The following KCNC2 variants were observed in gnomAD, a reference collection of about 807,000 sequenced individuals.
The protein encoded by KCNC2 is voltage-gated potassium channel KCNC2.
Under a neutral mutation model 44.5 loss-of-function variants are expected in KCNC2, and 21 were observed. That is an observed-to-expected ratio of 0.47 (90% confidence interval 0.33 to 0.68). The LOEUF (loss-of-function observed/expected upper bound fraction) is 0.68. Among genes scored for constraint, KCNC2 ranks in the 30% least tolerant of loss-of-function variants. The pLI is 0.01. For missense variants in KCNC2, 589 were observed against 826.2 expected (o/e 0.71, Z 3.52); for synonymous variants, 391 against 339.1 (o/e 1.15, Z -1.68).
At chr12:75,127,015 C>A (rs760238043) in intron 2 of KCNC2, among the ~76,000 whole-genome samples, 1 of 152,108 alleles carries the variant, frequency 6.6e-6, no homozygotes, top group Non-Finnish European at 1.5e-5. Context: ...GTTAAATGTG[C>A]CCTGGTCTAG....
chr12:75,114,177 C>T (rs1055748252), intron 2 of KCNC2, among the ~76,000 whole-genome samples: 1 of 152,178 alleles, frequency 6.6e-6, no homozygotes, highest in Non-Finnish European at 1.5e-5. Context: ...ATTCAACCAA[C>T]ATGAGAGTGC....
chr12:75,169,960 C>T (rs1014623968), intron 2 of KCNC2, among the ~76,000 whole-genome samples: 3 of 151,498 alleles, frequency 2.0e-5, no homozygotes, highest in East Asian at 1.9e-4. Context: ...AAAAGAAAGG[C>T]GACATAACAT....
chr12:75,085,561 A>G (rs1159083018), intron 2 of KCNC2, among the ~76,000 whole-genome samples: 1 of 152,066 alleles, frequency 6.6e-6, no homozygotes, highest in Non-Finnish European at 1.5e-5. Context: ...AGAACCATGA[A>G]TCTAACATCA....
At chr12:75,045,039 A>G (rs974092500) in intron 4 of KCNC2, among the ~76,000 whole-genome samples, 5 of 152,000 alleles carry the variant, frequency 3.3e-5, no homozygotes, top group African/African-American at 1.2e-4. Context: ...GACTGAAAAT[A>G]TAACTTTGGG....
intron 2 of KCNC2, among the ~76,000 whole-genome samples, chr12:75,130,268 C>T (rs1481614407): frequency 6.6e-6 from 1 of 152,080 alleles, no homozygotes; most frequent in African/African-American, 2.4e-5. Context: ...ATTCTTCATC[C>T]TCCATTAGGT....
intron 2 of KCNC2, among the ~76,000 whole-genome samples, chr12:75,101,893 T>G (rs962469238): frequency 6.6e-6 from 1 of 151,952 alleles, no homozygotes; most frequent in African/African-American, 2.4e-5. Context: ...TACATTTAGA[T>G]CACCAAATCA....
chr12:75,165,177 A>G (rs1156714769), intron 2 of KCNC2, among the ~76,000 whole-genome samples: 1 of 151,676 alleles, frequency 6.6e-6, no homozygotes, highest in African/African-American at 2.4e-5. Context: ...TGTTTACGAT[A>G]TCTAATTATT....
intron 2 of KCNC2, among the ~76,000 whole-genome samples, chr12:75,107,037 G>A (rs1886841924): frequency 6.6e-6 from 1 of 151,888 alleles, no homozygotes; most frequent in South Asian, 2.1e-4. Context: ...GGGCGTGGTG[G>A]CTCACGCCTG....
At chr12:75,109,004 C>T (rs537358554) in intron 2 of KCNC2, among the ~76,000 whole-genome samples, 1 of 152,250 alleles carries the variant, frequency 6.6e-6, no homozygotes, top group Admixed American at 6.5e-5. Flanking sequence ...TACAAACAAA[C>T]CTTAGAGTCT....
chr12:75,174,166 C>G (rs1195897006), intron 2 of KCNC2, among the ~76,000 whole-genome samples: 2 of 151,096 alleles, frequency 1.3e-5, no homozygotes, highest in East Asian at 2.0e-4. Context: ...CCTTAATTTA[C>G]AATCACGGTG....
rs763957368 is a variant in KCNC2 at position 75,043,163 on chromosome 12, G to C, written c.1859C>G (p.Pro620Arg). 1.2e-6 allele frequency: 2 copies of C among 1,612,494 alleles called. No homozygotes were observed. Among genetic ancestry groups the C allele is most frequent in the Non-Finnish European group, 1.7e-6 (2 of 1,179,030 alleles). The change falls in exon 5 of 5, where the codon CCC becomes CGC. Residue 620 changes from proline to arginine, a missense_variant. Physicochemically the swap from Pro to Arg is moderately radical, Grantham distance 103 (BLOSUM62 -2). Coordinates refer to ENST00000549446, the MANE Select transcript of KCNC2 (RefSeq NM_139137.4). ...CCTCAGAGGACAAGGAGAGTTGTAG[G>C]GTGATGTTACTGGAGAGAGCCTCAG... ...NALRLSPVTSPYNSPCPLRRS... is the reference protein window; with the variant it reads ...NALRLSPVTSRYNSPCPLRRS...
intron 2 of KCNC2, among the ~76,000 whole-genome samples, chr12:75,094,807 G>A (rs1885785250): frequency 6.6e-6 from 1 of 151,648 alleles, no homozygotes; most frequent in Non-Finnish European, 1.5e-5. Context: ...TCTATCAACA[G>A]AAATTGGCAG....
chr12:75,181,794 T>G (rs1892590520), intron 2 of KCNC2, among the ~76,000 whole-genome samples: 1 of 152,072 alleles, frequency 6.6e-6, no homozygotes. Context: ...TGTCACAGTT[T>G]TACCACAATA....
At chr12:75,159,628 C>G (rs1890991907) in intron 2 of KCNC2, among the ~76,000 whole-genome samples, 1 of 151,880 alleles carries the variant, frequency 6.6e-6, no homozygotes, top group Non-Finnish European at 1.5e-5. Flanking sequence ...TTTCTAACAT[C>G]GCTGGACTAG....
intron 2 of KCNC2, among the ~76,000 whole-genome samples, chr12:75,071,037 TA>T (rs1440631009): frequency 6.6e-6 from 1 of 152,182 alleles, no homozygotes; most frequent in African/African-American, 2.4e-5. Context: ...CTTTTTTTGG[TA>T]TAGTAGAAAG....
At chr12:75,130,794 A>AC in intron 2 of KCNC2, among the ~76,000 whole-genome samples, 1 of 152,118 alleles carries the variant, frequency 6.6e-6, no homozygotes, top group East Asian at 1.9e-4. Flanking sequence ...AAAAAAAAAA[A>AC]AACAATGCAC....
chr12:75,068,730 G>C (rs1247017817), intron 2 of KCNC2, among the ~76,000 whole-genome samples: 3 of 148,996 alleles, frequency 2.0e-5, no homozygotes, highest in African/African-American at 7.8e-5. Flanking sequence ...ACTTAAAATA[G>C]GTCTTTGGGT....
At chr12:75,176,023 G>A (rs1892159903) in intron 2 of KCNC2, among the ~76,000 whole-genome samples, 1 of 152,020 alleles carries the variant, frequency 6.6e-6, no homozygotes, top group African/African-American at 2.4e-5. Flanking sequence ...TGGTATCTGA[G>A]GTAGATTTTA....
At chr12:75,092,106 G>A (rs1885533434) in intron 2 of KCNC2, among the ~76,000 whole-genome samples, 1 of 151,564 alleles carries the variant, frequency 6.6e-6, no homozygotes, top group South Asian at 2.1e-4. Flanking sequence ...ATTTCTGGAA[G>A]AATCTGACTT....
Sources: allele counts gnomAD v4.1 joint callset (sites outside exome capture counted in the v4.1 genomes callset), GRCh38; gene constraint gnomAD v4.1.1; transcripts MANE v1.5; gene names NCBI Gene and HGNC (gene_info 2026-07-23, HGNC 2026-07-21).